HIVEP1: variants seen among roughly 807,000 people sequenced by gnomAD.
The protein encoded by HIVEP1 is HIVEP zinc finger 1, also known as zinc finger protein 40.
A neutral mutation model predicts 180.0 loss-of-function variants in HIVEP1; 36 were observed. The ratio of observed to expected loss-of-function variants is 0.20; its 90% confidence interval spans 0.15 to 0.26. HIVEP1 has a LOEUF of 0.26. Ranked by LOEUF, HIVEP1 falls within the 10% of genes least tolerant of loss-of-function variation. The pLI, the probability that HIVEP1 is intolerant of heterozygous loss-of-function variation, is 1.00. For missense variants in HIVEP1, 3,143 were observed against 3,268.7 expected, an observed-to-expected ratio of 0.96 and a Z score of 0.94; for synonymous variants, 1,239 against 1,239.0, an observed-to-expected ratio of 1.00 and a Z score of 0.00.
intron 2 of HIVEP1, among the ~76,000 whole-genome samples, chr6:12,052,159 T>C (rs1212711910): frequency 6.6e-6 from 1 of 152,220 alleles, no homozygotes; most frequent in Non-Finnish European, 1.5e-5. Context: ...ACATGTCTTC[T>C]TACGGAATCA....
At chr6:12,011,271 C>A (rs1186723942), upstream of HIVEP1, among the ~76,000 whole-genome samples, 16 of 28,348 alleles carry the variant, frequency 5.6e-4, no homozygotes, top group South Asian at 3.9e-3. Flanking sequence ...CCCTTGGGGT[C>A]CCCCCCCCCC....
the HIVEP1 span, among the ~76,000 whole-genome samples, chr6:12,195,673 G>T: frequency 2.4e-5 from 1 of 42,338 alleles, no homozygotes; most frequent in East Asian, 9.9e-4. Flanking sequence ...TTTAACTACT[G>T]GTTGTCCTCA....
chr6:12,100,271 T>C (rs771222584), intron 3 of HIVEP1, among the ~76,000 whole-genome samples: 24 of 152,304 alleles, frequency 1.6e-4, no homozygotes, highest in Non-Finnish European at 3.5e-4. Context: ...ATCTGCTAGC[T>C]GGGGCAGGCT....
the HIVEP1 span, among the ~76,000 whole-genome samples, chr6:12,193,639 A>T: frequency 2.6e-5 from 4 of 152,088 alleles, no homozygotes; most frequent in African/African-American, 9.7e-5. Context: ...TTTGTGGAAT[A>T]TCGTTTAAAG....
At chr6:12,069,139 C>T (rs1031624503) in intron 2 of HIVEP1, among the ~76,000 whole-genome samples, 14 of 152,180 alleles carry the variant, frequency 9.2e-5, no homozygotes, top group Non-Finnish European at 1.6e-4. Flanking sequence ...TTACACAAAC[C>T]TAGATGGTAC....
At chr6:12,177,086 T>C in the HIVEP1 span, among the ~76,000 whole-genome samples, 1 of 152,100 alleles carries the variant, frequency 6.6e-6, no homozygotes, top group Non-Finnish European at 1.5e-5. Flanking sequence ...CACTGCATGC[T>C]CTCTCTTATA....
At position 12,130,887 on chromosome 6, in the gene HIVEP1, T is replaced by C. The variant is rs1457476598; in HGVS notation, c.6330T>C (p.His2110=). ...PSMLKKHIRT[H]TDVRPYHCTY... ...TGTTAAAGAAACACATACGAACCCA[T>C]ACAGATGTCCGCCCCTACCACTGCA... The change falls in exon 6 of 9, where the codon CAT becomes CAC. Residue 2110 remains histidine (H), a synonymous_variant. Transcript: ENST00000379388. The C allele has an allele frequency of 5.0e-6, 8 of 1,613,264 alleles. No homozygotes were observed. The African/African-American group carries it at 6.7e-5, about 13-fold the overall frequency.
rs567891397 is a variant in HIVEP1 at position 12,122,870 on chromosome 6, G to T, written c.3075G>T (p.Thr1025=). ...VAGSSGIWEQ[T]PQIRKRRKMK... is the part of the protein sequence containing the mutation. ...GGTCCTCCGGCATCTGGGAACAGAC[G>T]CCCCAGATAAGAAAAAGGAGGAAAA... The change falls in exon 4 of 9, where the codon ACG becomes ACT. Residue 1025 remains threonine (T), a synonymous_variant. Coordinates refer to ENST00000379388, the MANE Select transcript of HIVEP1 (RefSeq NM_002114.4). The T allele has an allele frequency of 5.6e-6, 9 of 1,613,952 alleles. No homozygotes were observed. The Admixed American group carries it at 1.3e-4, about 24-fold the overall frequency.
At chr6:12,132,555 C>G (rs1394717611) in intron 6 of HIVEP1, among the ~76,000 whole-genome samples, 1 of 152,090 alleles carries the variant, frequency 6.6e-6, no homozygotes, top group Non-Finnish European at 1.5e-5. Flanking sequence ...TATGATGAGT[C>G]ACAAATATTA....
intron 3 of HIVEP1, among the ~76,000 whole-genome samples, chr6:12,109,668 G>A (rs1440390287): frequency 6.6e-6 from 1 of 152,152 alleles, no homozygotes; most frequent in Non-Finnish European, 1.5e-5. Context: ...CACATCTGCG[G>A]GGACTTCCTC....
At chr6:12,051,030 A>ATATATATATATATATG (rs1561890477) in intron 2 of HIVEP1, among the ~76,000 whole-genome samples, 3 of 136,854 alleles carry the variant, frequency 2.2e-5, no homozygotes, top group Non-Finnish European at 4.6e-5. Flanking sequence ...ATATATATAT[A>ATATATATATATATATG]TGTATATTAA....
chr6:12,128,576 G>A (rs1055467886), intron 4 of HIVEP1, among the ~76,000 whole-genome samples: 1 of 152,082 alleles, frequency 6.6e-6, no homozygotes, highest in African/African-American at 2.4e-5. Context: ...CACTTGACCT[G>A]GGACAAGGAA....
chr6:12,046,765 G>A (rs1182578254), intron 2 of HIVEP1, among the ~76,000 whole-genome samples: 6 of 149,236 alleles, frequency 4.0e-5, no homozygotes, highest in African/African-American at 1.3e-4. Context: ...GTGACAGAGC[G>A]AGACTCTGTC....
At chr6:12,101,223 G>A (rs1225122410) in intron 3 of HIVEP1, among the ~76,000 whole-genome samples, 1 of 152,146 alleles carries the variant, frequency 6.6e-6, no homozygotes, top group Non-Finnish European at 1.5e-5. Flanking sequence ...TTTCTGTGAA[G>A]TACTTGTCAG....
rs1757848064 is a variant in HIVEP1, at chr6:12,123,605, A to C, written c.3810A>C (p.Ser1270=). The C allele has an allele frequency of 6.2e-7, 1 of 1,614,026 alleles. No homozygotes were observed. The highest frequency in any genetic ancestry group is 1.3e-5 in the African/African-American group (1 of 74,928). ...FSWPQRSETL[S]KLPTEKLPPK... ...GGCCCCAGCGTAGTGAAACCTTGTC[A>C]AAATTGCCAACAGAGAAACTGCCAC... The change falls in exon 4 of 9, where the codon TCA becomes TCC. Residue 1270 remains serine, a synonymous_variant. Coordinates refer to ENST00000379388, the MANE Select transcript of HIVEP1 (RefSeq NM_002114.4).
chr6:12,040,792 C>CT, intron 2 of HIVEP1, among the ~76,000 whole-genome samples: 1 of 151,732 alleles, frequency 6.6e-6, no homozygotes, highest in African/African-American at 2.4e-5. Flanking sequence ...GCATCTGCCT[C>CT]TGGGGAGGCC....
chr6:12,022,749 A>C (rs192228716), intron 2 of HIVEP1, among the ~76,000 whole-genome samples: 1 of 152,258 alleles, frequency 6.6e-6, no homozygotes, highest in Non-Finnish European at 1.5e-5. Flanking sequence ...GGAAACAGGA[A>C]TATCTACATA....
chr6:12,116,578 C>G (rs985633831), intron 3 of HIVEP1, among the ~76,000 whole-genome samples: 13 of 152,146 alleles, frequency 8.5e-5, no homozygotes, highest in African/African-American at 3.1e-4. Context: ...TTAGACTGAT[C>G]CAAGGTCCAG....
At chr6:12,019,008 G>A (rs982623456) in intron 2 of HIVEP1, among the ~76,000 whole-genome samples, 1 of 152,172 alleles carries the variant, frequency 6.6e-6, no homozygotes, top group Non-Finnish European at 1.5e-5. Flanking sequence ...GGAATAAATT[G>A]TGTCTGACTT....
Sources: allele counts gnomAD v4.1 joint callset (sites outside exome capture counted in the v4.1 genomes callset), GRCh38; gene constraint gnomAD v4.1.1; transcripts MANE v1.5; gene names NCBI Gene and HGNC (gene_info 2026-07-23, HGNC 2026-07-21).